Variants in DAB1 observed in about 807,000 individuals in gnomAD.
DAB1 encodes the protein DAB adaptor protein 1.
Under a neutral mutation model 64.6 loss-of-function variants are expected in DAB1, and 15 were observed. The observed-to-expected ratio is 0.23, with a 90% CI of 0.16 to 0.36. The LOEUF (loss-of-function observed/expected upper bound fraction) is 0.36. DAB1 is among the 10% of genes least tolerant of loss of function. The probability of loss-of-function intolerance (pLI) is 1.00; values close to 1 mark genes in which losing one functional copy is unlikely to be tolerated. For missense variants in DAB1, 596 were observed against 706.7 expected, an observed-to-expected ratio of 0.84 and a Z score of 1.78; for synonymous variants, 235 against 251.9, an observed-to-expected ratio of 0.93 and a Z score of 0.64.
At chr1:57,686,791 A>G (rs1344193738) in intron 6 of DAB1, among the ~76,000 whole-genome samples, 1 of 152,174 alleles carries the variant, frequency 6.6e-6, no homozygotes, top group African/African-American at 2.4e-5. Flanking sequence ...AAACACAATT[A>G]AAAGTAAAAA....
intron 3 of DAB1, among the ~76,000 whole-genome samples, chr1:58,475,885 A>T (rs1185469358): frequency 6.6e-6 from 1 of 152,158 alleles, no homozygotes; most frequent in East Asian, 1.9e-4. Flanking sequence ...AAAAAACTAA[A>T]CTCAATATTT....
intron 5 of DAB1, among the ~76,000 whole-genome samples, chr1:58,124,491 G>C (rs903259684): frequency 2.6e-5 from 4 of 152,104 alleles, no homozygotes; most frequent in African/African-American, 9.7e-5. Context: ...GCATGACTGT[G>C]CTTTGCCAGG....
intron 2 of DAB1, among the ~76,000 whole-genome samples, chr1:57,181,784 T>C (rs973232657): frequency 1.3e-5 from 2 of 152,236 alleles, no homozygotes; most frequent in Non-Finnish European, 2.9e-5. Flanking sequence ...CTAAGCCCCT[T>C]CCTAGCTGTG....
intron 1 of DAB1, among the ~76,000 whole-genome samples, chr1:57,354,767 T>G (rs1305377085): frequency 6.6e-6 from 1 of 152,108 alleles, no homozygotes; most frequent in African/African-American, 2.4e-5. Context: ...GACTCATGCA[T>G]AAGAGCTACC....
chr1:58,540,362 C>A (rs970075525), intron 1 of DAB1, among the ~76,000 whole-genome samples: 2 of 151,200 alleles, frequency 1.3e-5, no homozygotes, highest in Non-Finnish European at 2.9e-5. Context: ...TTAAAAATCA[C>A]CAAGCATGCA....
At chr1:57,424,365 G>A (rs1470872157), upstream of DAB1, among the ~76,000 whole-genome samples, 1 of 151,804 alleles carries the variant, frequency 6.6e-6, no homozygotes, top group Non-Finnish European at 1.5e-5. Flanking sequence ...GAGCGGGGGC[G>A]CCGCGGCTTG....
At chr1:58,043,345 A>G (rs1368849151) in intron 5 of DAB1, among the ~76,000 whole-genome samples, 1 of 152,232 alleles carries the variant, frequency 6.6e-6, no homozygotes, top group Non-Finnish European at 1.5e-5. Context: ...TACTATAAAA[A>G]ACAATTTGGA....
intron 5 of DAB1, among the ~76,000 whole-genome samples, chr1:58,085,566 C>T (rs1028391496): frequency 6.6e-6 from 1 of 152,094 alleles, no homozygotes; most frequent in African/African-American, 2.4e-5. Context: ...CATAGCCTCA[C>T]TATGTTGCCC....
At chr1:58,260,005 T>G (rs957891569) in intron 4 of DAB1, among the ~76,000 whole-genome samples, 1 of 152,166 alleles carries the variant, frequency 6.6e-6, no homozygotes, top group Non-Finnish European at 1.5e-5. Flanking sequence ...CTGAAAAGTT[T>G]GAGGCTCAAA....
intron 2 of DAB1, among the ~76,000 whole-genome samples, chr1:57,222,839 A>T (rs1392939648): frequency 6.6e-6 from 1 of 152,242 alleles, no homozygotes; most frequent in Non-Finnish European, 1.5e-5. Flanking sequence ...CATGGGAGTT[A>T]TGATAGGAAT....
At chr1:57,945,274 A>G (rs1320015015) in intron 5 of DAB1, among the ~76,000 whole-genome samples, 1 of 151,876 alleles carries the variant, frequency 6.6e-6, no homozygotes, top group Non-Finnish European at 1.5e-5. Context: ...CACCATCATC[A>G]TTAGAGTCAA....
chr1:57,037,797 T>C (rs763647178), intron 9 of DAB1, among the ~76,000 whole-genome samples: 3 of 152,202 alleles, frequency 2.0e-5, no homozygotes, highest in Non-Finnish European at 2.9e-5. Context: ...TGTTTGGCAA[T>C]TGAAGAACAA....
intron 9 of DAB1, among the ~76,000 whole-genome samples, chr1:57,034,999 C>G (rs1280273634): frequency 1.3e-5 from 2 of 152,190 alleles, no homozygotes; most frequent in African/African-American, 4.8e-5. Flanking sequence ...CCACCTGTTT[C>G]CACCAGCCCA....
intron 7 of DAB1, among the ~76,000 whole-genome samples, chr1:57,459,843 AT>A (rs1472867637): frequency 6.6e-6 from 1 of 152,134 alleles, no homozygotes; most frequent in Non-Finnish European, 1.5e-5. Flanking sequence ...GAAGAAAACT[AT>A]TTTAGTTTAA....
At chr1:57,671,909 A>G (rs1646514830) in intron 6 of DAB1, among the ~76,000 whole-genome samples, 1 of 152,096 alleles carries the variant, frequency 6.6e-6, no homozygotes, top group African/African-American at 2.4e-5. Context: ...TTTCTTTCAT[A>G]TTATAAGCAG....
In DAB1 at chr1:57,026,059, G is replaced by A; in HGVS notation, c.724-16C>T. 1 of 1,598,442 alleles carries A rather than the reference G, an allele frequency of 6.3e-7. No individual in the cohort carries two copies. On this transcript the variant is annotated splice_polypyrimidine_tract_variant and intron_variant, in intron 9 of 14. Coordinates refer to ENST00000371236, the MANE Select transcript of DAB1 (RefSeq NM_001365792.1). ...GGGTCACAGCCTGTAAAGACAAAAA[G>A]GTAATCATGTGACTACAAAGAAAGC...
At chr1:57,684,002 A>T (rs183445172) in intron 6 of DAB1, among the ~76,000 whole-genome samples, 1 of 152,332 alleles carries the variant, frequency 6.6e-6, no homozygotes, top group Admixed American at 6.5e-5. Context: ...ATAGATGACC[A>T]AGCTGAGGAA....
intron 9 of DAB1, among the ~76,000 whole-genome samples, chr1:57,053,109 A>C (rs1018572121): frequency 5.9e-5 from 9 of 152,234 alleles, no homozygotes; most frequent in Non-Finnish European, 1.3e-4. Context: ...GATGGCCGCT[A>C]TTCCCATTTT....
intron 7 of DAB1, among the ~76,000 whole-genome samples, chr1:57,468,425 T>C (rs528438857): frequency 6.6e-6 from 1 of 152,320 alleles, no homozygotes; most frequent in Non-Finnish European, 1.5e-5. Context: ...TAAATGTATT[T>C]TTCAATTAAA....
Sources: allele counts gnomAD v4.1 joint callset (sites outside exome capture counted in the v4.1 genomes callset), GRCh38; gene constraint gnomAD v4.1.1; transcripts MANE v1.5; gene names NCBI Gene and HGNC (gene_info 2026-07-23, HGNC 2026-07-21).